LRP1B: variants seen among roughly 807,000 people sequenced by gnomAD.
LRP1B encodes LDL receptor related protein 1B, also known as low-density lipoprotein receptor-related protein 1B.
LRP1B carries 217 observed loss-of-function variants against 556.6 expected under a neutral mutation model. The ratio of observed to expected loss-of-function variants is 0.39; its 90% confidence interval spans 0.35 to 0.44. The LOEUF is 0.44. LRP1B is among the 20% of genes least tolerant of loss of function. The probability of loss-of-function intolerance (pLI) is 1.00; values close to 1 mark genes in which losing one functional copy is unlikely to be tolerated. For synonymous variants in LRP1B, 2,047 were observed against 1,865.8 expected, an observed-to-expected ratio of 1.10 and a Z score of -2.50; for missense variants, 5,053 against 5,620.8, an observed-to-expected ratio of 0.90 and a Z score of 3.23.
intron 3 of LRP1B, among the ~76,000 whole-genome samples, chr2:141,479,367 T>C (rs1459756080): frequency 2.6e-5 from 4 of 152,184 alleles, no homozygotes; most frequent in African/African-American, 9.7e-5. Flanking sequence ...TTTAAACGTA[T>C]ACATATTTGG....
chr2:141,410,610 A>C (rs1690816669), intron 3 of LRP1B, among the ~76,000 whole-genome samples: 1 of 152,058 alleles, frequency 6.6e-6, no homozygotes, highest in South Asian at 2.1e-4. Context: ...AAATGGAAAA[A>C]TATTCAGTAA....
At chr2:141,275,916 A>ATG (rs751337769) in intron 3 of LRP1B, among the ~76,000 whole-genome samples, 3 of 152,002 alleles carry the variant, frequency 2.0e-5, no homozygotes, top group Non-Finnish European at 4.4e-5. Flanking sequence ...GTACATATAT[A>ATG]TATATATACA....
intron 3 of LRP1B, among the ~76,000 whole-genome samples, chr2:141,425,056 C>G (rs1036014750): frequency 1.3e-5 from 2 of 149,072 alleles, no homozygotes; most frequent in African/African-American, 4.9e-5. Context: ...TCTCCTAATG[C>G]TATCCCTCCC....
chr2:141,631,394 T>C (rs1688904137), intron 2 of LRP1B, among the ~76,000 whole-genome samples: 1 of 152,052 alleles, frequency 6.6e-6, no homozygotes, highest in South Asian at 2.1e-4. Flanking sequence ...TTATATTATC[T>C]ATATTATATG....
intron 2 of LRP1B, among the ~76,000 whole-genome samples, chr2:141,613,945 C>G (rs997222599): frequency 2.0e-5 from 3 of 150,944 alleles, no homozygotes; most frequent in East Asian, 1.9e-4. Context: ...TAGTGGCAGG[C>G]GCCTATAATC....
intron 2 of LRP1B, among the ~76,000 whole-genome samples, chr2:141,592,365 G>T (rs1687371893): frequency 6.6e-6 from 1 of 152,058 alleles, no homozygotes; most frequent in Admixed American, 6.6e-5. Context: ...CTGCATTTTG[G>T]TTTCATAGGT....
chr2:141,152,481 T>C (rs1229991936), intron 7 of LRP1B, among the ~76,000 whole-genome samples: 1 of 151,830 alleles, frequency 6.6e-6, no homozygotes, highest in Admixed American at 6.6e-5. Flanking sequence ...ACAAATATTC[T>C]GGGTGAGGAA....
intron 6 of LRP1B, among the ~76,000 whole-genome samples, chr2:141,201,098 G>T (rs777469274): frequency 7.9e-5 from 12 of 152,140 alleles, no homozygotes; most frequent in Non-Finnish European, 1.0e-4. Context: ...GTAATTTTAT[G>T]AAAGGACAAT....
chr2:141,833,232 TA>T (rs923769510), intron 1 of LRP1B, among the ~76,000 whole-genome samples: 1 of 151,834 alleles, frequency 6.6e-6, no homozygotes, highest in Admixed American at 6.6e-5. Context: ...ATAAAGTATA[TA>T]ATTTCTTCCT....
intron 7 of LRP1B, among the ~76,000 whole-genome samples, chr2:141,168,166 G>A (rs1680347705): frequency 1.3e-5 from 2 of 151,950 alleles, no homozygotes; most frequent in South Asian, 4.1e-4. Flanking sequence ...ATAAAGTCAA[G>A]TGATATGGCA....
intron 3 of LRP1B, among the ~76,000 whole-genome samples, chr2:141,381,993 C>CA (rs1368413612): frequency 6.6e-6 from 1 of 150,886 alleles, no homozygotes; most frequent in Admixed American, 6.6e-5. Flanking sequence ...TGTAGACAGA[C>CA]ACACAGTTAG....
chr2:141,622,498 C>G (rs1271350727), intron 2 of LRP1B, among the ~76,000 whole-genome samples: 2 of 152,164 alleles, frequency 1.3e-5, no homozygotes, highest in East Asian at 3.9e-4. Context: ...CTGCTACATA[C>G]CTTTCAATAT....
At chr2:140,957,019 C>A (rs1487314705) in intron 18 of LRP1B, among the ~76,000 whole-genome samples, 2 of 151,570 alleles carry the variant, frequency 1.3e-5, no homozygotes, top group Non-Finnish European at 3.0e-5. Flanking sequence ...ACTAGGAATA[C>A]AATATTGAGT....
chr2:141,696,903 T>C (rs1295100690), intron 2 of LRP1B, among the ~76,000 whole-genome samples: 2 of 151,962 alleles, frequency 1.3e-5, no homozygotes, highest in Non-Finnish European at 2.9e-5. Context: ...AAATGGGCGA[T>C]GTTAAAAGAA....
chr2:141,988,618 G>A (rs972276534), intron 1 of LRP1B, among the ~76,000 whole-genome samples: 1 of 151,812 alleles, frequency 6.6e-6, no homozygotes, highest in Admixed American at 6.6e-5. Flanking sequence ...CCATCTTTTG[G>A]TAAGAGTTTA....
At chr2:140,430,995 G>C (rs960135764) in intron 66 of LRP1B, among the ~76,000 whole-genome samples, 1 of 152,174 alleles carries the variant, frequency 6.6e-6, no homozygotes, top group Admixed American at 6.5e-5. Flanking sequence ...TGGATGGGTA[G>C]AGGCCTTTCC....
chr2:140,581,191 G>A (rs1681747630), intron 43 of LRP1B, among the ~76,000 whole-genome samples: 1 of 152,156 alleles, frequency 6.6e-6, no homozygotes, highest in Non-Finnish European at 1.5e-5. Flanking sequence ...AGGTTCTTTT[G>A]CATAATTGTC....
At chr2:141,917,103 C>T (rs1389803560) in intron 1 of LRP1B, among the ~76,000 whole-genome samples, 2 of 151,842 alleles carry the variant, frequency 1.3e-5, no homozygotes, top group Admixed American at 1.3e-4. Flanking sequence ...ACACTTATAC[C>T]TAACTTTATG....
intron 1 of LRP1B, among the ~76,000 whole-genome samples, chr2:142,017,397 G>A (rs80271104): frequency 0.02 from 2,998 of 152,206 alleles, 99 homozygotes; most frequent in African/African-American, 0.068. Flanking sequence ...GATAATTAAT[G>A]ATGTGGTGAT....
Sources: gnomAD v4.1 joint callset for allele counts (sites outside exome capture counted in the v4.1 genomes callset) on GRCh38, gnomAD v4.1.1 for gene constraint, MANE v1.5 for transcripts, NCBI Gene and HGNC (gene_info 2026-07-23, HGNC 2026-07-21) for gene names.